Variants in CAMTA1 observed in about 807,000 individuals in gnomAD.
CAMTA1 encodes the protein calmodulin-binding transcription activator 1.
Under a neutral mutation model 170.9 loss-of-function variants are expected in CAMTA1, and 27 were observed. That is an observed-to-expected ratio of 0.16 (90% CI 0.12 to 0.22). CAMTA1 has a LOEUF of 0.22. Among genes scored for constraint, CAMTA1 ranks in the 10% least tolerant of loss-of-function variants. The pLI, the probability that CAMTA1 is intolerant of heterozygous loss-of-function variation, is 1.00. For synonymous variants in CAMTA1, 833 were observed against 891.5 expected (o/e 0.93, Z 1.17); for missense variants, 1,619 against 2,217.2 (o/e 0.73, Z 5.42).
intron 3 of CAMTA1, among the ~76,000 whole-genome samples, chr1:6,842,112 A>G (rs926367366): frequency 3.9e-5 from 6 of 152,152 alleles, no homozygotes; most frequent in African/African-American, 1.4e-4. Context: ...CTCACCCGCT[A>G]AATTGTAGGC....
chr1:6,981,737 A>G (rs747491892), intron 3 of CAMTA1, among the ~76,000 whole-genome samples: 1 of 149,858 alleles, frequency 6.7e-6, no homozygotes, highest in Non-Finnish European at 1.5e-5. Context: ...TGCCTGGCCT[A>G]TTATTATTTC....
Position 7,663,340 on chromosome 1 carries a change from C to A in CAMTA1, c.806-13C>A. On this transcript the variant is annotated splice_polypyrimidine_tract_variant and intron_variant, in intron 8 of 22. Coordinates refer to ENST00000303635, the MANE Select transcript of CAMTA1 (RefSeq NM_015215.4). ...TGCGTGTGCGTGCGCGTGTTGTGTT[C>A]CGATCTCCGCAGGAGCTGGCGGCAG... is the stretch of plus-strand genomic sequence containing the variant. 1 of 1,519,558 alleles carries A rather than the reference C, an allele frequency of 6.6e-7. No individual in the cohort carries two copies. Among genetic ancestry groups the A allele is most frequent in the South Asian group, 1.3e-5 (1 of 76,150 alleles). The allele number at this position is 1,519,558 out of a possible 1,614,324, so 94.1% of individuals were successfully genotyped here. A position where few individuals can be genotyped will look rare whatever the true frequency, so the allele number is the denominator to read the frequency against.
chr1:7,150,575 C>T (rs965943905), intron 4 of CAMTA1, among the ~76,000 whole-genome samples: 1 of 152,066 alleles, frequency 6.6e-6, no homozygotes, highest in Admixed American at 6.5e-5. Context: ...CCACTAGATG[C>T]CAATAGCACC....
chr1:7,324,678 G>A (rs1242767026), intron 5 of CAMTA1, among the ~76,000 whole-genome samples: 1 of 151,998 alleles, frequency 6.6e-6, no homozygotes, highest in African/African-American at 2.4e-5. Flanking sequence ...CGTGGTGGCA[G>A]GTGCCTATAA....
At chr1:6,987,391 C>T (rs1014050047) in intron 3 of CAMTA1, among the ~76,000 whole-genome samples, 2 of 152,214 alleles carry the variant, frequency 1.3e-5, no homozygotes, top group African/African-American at 4.8e-5. Flanking sequence ...TCTCGAACTC[C>T]TGACCTGAGG....
intron 3 of CAMTA1, among the ~76,000 whole-genome samples, chr1:7,042,481 T>G (rs1704619320): frequency 6.6e-6 from 1 of 152,164 alleles, no homozygotes; most frequent in Admixed American, 6.5e-5. Context: ...GGCGCTGAGA[T>G]CGCAAGCCTT....
intron 3 of CAMTA1, among the ~76,000 whole-genome samples, chr1:6,835,735 C>T (rs1164622033): frequency 1.3e-5 from 2 of 152,198 alleles, no homozygotes; most frequent in African/African-American, 2.4e-5. Context: ...TGTGCTTTGG[C>T]TACATAGGTT....
intron 3 of CAMTA1, among the ~76,000 whole-genome samples, chr1:6,881,464 G>A (rs1274551975): frequency 2.0e-5 from 3 of 152,184 alleles, no homozygotes; most frequent in Admixed American, 6.5e-5. Context: ...GAGATAGACA[G>A]AGATAGATTT....
intron 3 of CAMTA1, among the ~76,000 whole-genome samples, chr1:7,023,144 G>A (rs1255275305): frequency 2.0e-5 from 3 of 152,180 alleles, no homozygotes; most frequent in Admixed American, 1.3e-4. Context: ...GCTTCTAAGA[G>A]TTTCCTTCAA....
Position 7,570,627 on chromosome 1 carries a change from C to T in CAMTA1, c.511-69773C>T, listed in dbSNP as rs1261505778. Among the ~76,000 whole-genome samples the T allele has an allele frequency of 3.3e-5, 5 of 152,226 alleles. No homozygotes were observed. The highest frequency in any genetic ancestry group is 7.3e-5 in the Non-Finnish European group (5 of 68,034). ...AGGGGTGCCTTGCTGGTTGGTTCAT[C>T]CAGTTTGTTCTCTGAGCCTGGCACT... On this transcript the variant is annotated intron_variant, in intron 6 of 22. Transcript: ENST00000303635. This position sits in a 1 kb window ranked among gnomAD's most constrained non-coding sequence, Gnocchi z 4.3.
intron 3 of CAMTA1, among the ~76,000 whole-genome samples, chr1:6,920,633 CTT>C (rs1681800476): frequency 6.6e-6 from 1 of 152,252 alleles, no homozygotes; most frequent in Non-Finnish European, 1.5e-5. Context: ...CTGCAGCAAA[CTT>C]TTTCCTGGGC....
At position 7,482,486 on chromosome 1, in the gene CAMTA1, T is replaced by C. The variant is rs1043276922; in HGVS notation, c.510+14585T>C. ...ATGGATGCGCTCTCCACGCAGTGTG[T>C]CCCCACCTCCCTCCATCCTCCTGAA... is the stretch of plus-strand genomic sequence containing the variant. On this transcript the variant is annotated intron_variant, in intron 6 of 22. Coordinates refer to ENST00000303635, the MANE Select transcript of CAMTA1 (RefSeq NM_015215.4). This position sits in a 1 kb window ranked among gnomAD's most constrained non-coding sequence, Gnocchi z 4.2. 6.6e-6 allele frequency among the ~76,000 whole-genome samples: 1 copy of C among 152,112 alleles called. No homozygotes were observed. The highest frequency in any genetic ancestry group is 2.4e-5 in the African/African-American group (1 of 41,418).
intron 6 of CAMTA1, among the ~76,000 whole-genome samples, chr1:7,493,330 C>G (rs1484825173): frequency 2.0e-5 from 3 of 150,882 alleles, no homozygotes; most frequent in African/African-American, 7.3e-5. Context: ...AACCTACGTA[C>G]ACACACATGC....
intron 3 of CAMTA1, among the ~76,000 whole-genome samples, chr1:6,938,644 G>A (rs1283052516): frequency 6.6e-6 from 1 of 152,030 alleles, no homozygotes; most frequent in East Asian, 1.9e-4. Flanking sequence ...ATGGTCAGTC[G>A]GAGCTGGTAG....
intron 6 of CAMTA1, among the ~76,000 whole-genome samples, chr1:7,555,453 C>T (rs567843519): frequency 8.5e-5 from 13 of 152,072 alleles, no homozygotes; most frequent in Non-Finnish European, 1.6e-4. Context: ...CAGCCCTGCT[C>T]CTCCTTCTCC....
At chr1:6,792,056 C>A (rs1029567615) in intron 1 of CAMTA1, among the ~76,000 whole-genome samples, 1 of 151,790 alleles carries the variant, frequency 6.6e-6, no homozygotes, top group African/African-American at 2.4e-5. Context: ...CAGGTTCAAG[C>A]GATTGTCCTG....
At chr1:7,391,565 A>G (rs1325691100) in intron 5 of CAMTA1, among the ~76,000 whole-genome samples, 2 of 152,162 alleles carry the variant, frequency 1.3e-5, no homozygotes, top group Non-Finnish European at 1.5e-5. Context: ...TGGCAAATGT[A>G]TGTGGTTTCC....
chr1:7,590,281 G>C (rs2095345892), intron 6 of CAMTA1, among the ~76,000 whole-genome samples: 1 of 152,174 alleles, frequency 6.6e-6, no homozygotes, highest in Admixed American at 6.5e-5. Flanking sequence ...GGCTGATCCT[G>C]AGCCTCTTAC....
At chr1:7,201,538 C>T (rs772429503) in intron 4 of CAMTA1, among the ~76,000 whole-genome samples, 1 of 152,196 alleles carries the variant, frequency 6.6e-6, no homozygotes, top group African/African-American at 2.4e-5. Context: ...TCTCTGTCAA[C>T]ACTTGTTATT....
Sources: allele counts gnomAD v4.1 joint callset (sites outside exome capture counted in the v4.1 genomes callset), GRCh38; gene constraint gnomAD v4.1.1; non-coding constraint Gnocchi (gnomAD v3.1); transcripts MANE v1.5; gene names NCBI Gene and HGNC (gene_info 2026-07-23, HGNC 2026-07-21).